Variants in GPR55 observed in about 807,000 individuals in gnomAD.
GPR55 encodes the protein G protein-coupled receptor 55, also known as G-protein coupled receptor 55.
GPR55 carries 6 observed loss-of-function variants against 7.9 expected under a neutral mutation model. That is an observed-to-expected ratio of 0.76 (90% CI 0.41 to 1.49). GPR55 has a LOEUF of 1.49. Among genes scored for constraint, GPR55 ranks in the 40% most tolerant of loss-of-function variants. The pLI, the probability that GPR55 is intolerant of heterozygous loss-of-function variation, is 0.01. For missense variants in GPR55, 376 were observed against 406.0 expected, an observed-to-expected ratio of 0.93 and a Z score of 0.63; for synonymous variants, 183 against 166.8, an observed-to-expected ratio of 1.10 and a Z score of -0.75.
chr2:230,927,422 G>A (rs1359570775), upstream of GPR55, among the ~76,000 whole-genome samples: 2 of 152,176 alleles, frequency 1.3e-5, no homozygotes, highest in Non-Finnish European at 2.9e-5. Flanking sequence ...GCAGGGACTC[G>A]CCCAAGGCCC....
chr2:230,912,094 T>G (rs981293609), intron 1 of GPR55, among the ~76,000 whole-genome samples: 2 of 152,004 alleles, frequency 1.3e-5, no homozygotes, highest in South Asian at 2.1e-4. Flanking sequence ...CACTCTTCCC[T>G]CTCCCCACAT....
intron 1 of GPR55, among the ~76,000 whole-genome samples, chr2:230,954,152 C>G (rs1691444808): frequency 6.6e-6 from 1 of 152,260 alleles, no homozygotes; most frequent in African/African-American, 2.4e-5. Flanking sequence ...GGCTATGCAG[C>G]CCCGTAATCG....
intron 1 of GPR55, among the ~76,000 whole-genome samples, chr2:230,933,644 G>A (rs1691088713): frequency 6.6e-6 from 1 of 152,218 alleles, no homozygotes; most frequent in East Asian, 1.9e-4. Flanking sequence ...AGAGGTGGTG[G>A]CTGGACTCAG....
chr2:230,936,625 G>C (rs1691136717), intron 1 of GPR55, among the ~76,000 whole-genome samples: 1 of 152,210 alleles, frequency 6.6e-6, no homozygotes, highest in Non-Finnish European at 1.5e-5. Flanking sequence ...CGAACATCCT[G>C]TTGGACAGCA....
In GPR55 at chr2:230,944,033, C is replaced by T. The variant is rs1000725493; in HGVS notation, c.-135+16742G>A. ...CTTAGGAAGGGGCCCTCGGGCTGTC[C>T]CTCTTCTCCCTGGCCCTAGCCCAGG... On this transcript the variant is annotated intron_variant, in intron 1 of 1. Coordinates refer to the GPR55 transcript ENST00000392039. This position sits in a 1 kb window ranked among gnomAD's most constrained non-coding sequence, Gnocchi z 4.2. Among the ~76,000 whole-genome samples, 1 of 152,210 alleles carries T rather than the reference C, an allele frequency of 6.6e-6. No individual in the cohort carries two copies. The highest frequency in any genetic ancestry group is 2.4e-5 in the African/African-American group (1 of 41,462).
intron 1 of GPR55, among the ~76,000 whole-genome samples, chr2:230,956,740 C>A (rs188022143): frequency 1.3e-5 from 2 of 152,062 alleles, no homozygotes; most frequent in Non-Finnish European, 2.9e-5. Context: ...TTAAAAAAAT[C>A]TTTATCTTGC....
At position 230,923,757 on chromosome 2, in the gene GPR55, A is replaced by C. The variant is rs1331610614; in HGVS notation, c.-135+1411T>G. ...TACAGATAAGGACAGTAAGGCTTAG[A>C]GATGTTAAAGATTCTACCCAAGGTC... On this transcript the variant is annotated intron_variant, in intron 1 of 1. Coordinates refer to ENST00000650999, the MANE Select transcript of GPR55 (RefSeq NM_005683.4). This position sits in a 1 kb window ranked among gnomAD's most constrained non-coding sequence, Gnocchi z 4.1. Among the ~76,000 whole-genome samples the C allele has an allele frequency of 6.6e-6, 1 of 152,156 alleles. No individual in the cohort carries two copies. Among genetic ancestry groups the C allele is most frequent in the Admixed American group, 6.5e-5 (1 of 15,278 alleles).
At chr2:230,917,036 A>T (rs1053155422) in intron 1 of GPR55, among the ~76,000 whole-genome samples, 7 of 152,242 alleles carry the variant, frequency 4.6e-5, no homozygotes, top group Admixed American at 1.3e-4. Flanking sequence ...CAAAAGAAAG[A>T]CAGGGAGGCA....
In GPR55 at chr2:230,959,749, TTCTC is replaced by T. The variant is rs1003047385; in HGVS notation, c.-135+1022_-135+1025del. On this transcript the variant is annotated intron_variant, in intron 1 of 1. Transcript: ENST00000392039. ...TTGATTGCTAAACAACCCTTCATCC[TTCTC>T]TCTGAGTATTAGCAATGCAAAAGGC... is the stretch of plus-strand genomic sequence containing the variant. Among the ~76,000 whole-genome samples, 273 of 152,338 alleles carry T rather than the reference TTCTC, an allele frequency of 1.8e-3. 1 individual carries two copies. Among genetic ancestry groups the T allele is most frequent in the African/African-American group, 6.3e-3 (262 of 41,584 alleles).
At chr2:230,941,520 C>T (rs899512078) in intron 1 of GPR55, among the ~76,000 whole-genome samples, 15 of 152,228 alleles carry the variant, frequency 9.9e-5, no homozygotes, top group Non-Finnish European at 1.2e-4. Context: ...TTCCCACACT[C>T]GGTCTCCTGG....
intron 1 of GPR55, among the ~76,000 whole-genome samples, chr2:230,951,261 G>A (rs558169490): frequency 1.7e-4 from 26 of 152,208 alleles, no homozygotes; most frequent in South Asian, 1.0e-3. Context: ...TTGAACTGGA[G>A]GACACCCCGC....
At chr2:230,911,162 G>C in intron 1 of GPR55, 66 bp from the exon 2 acceptor site, 1 of 587,178 alleles carries the variant, frequency 1.7e-6, no homozygotes, top group Non-Finnish European at 3.1e-6. Context: ...GTTACTTTTT[G>C]TGTATATCAT....
In GPR55 at chr2:230,944,040, T is replaced by C. The variant is rs1574633674; in HGVS notation, c.-135+16735A>G. Among the ~76,000 whole-genome samples the C allele has an allele frequency of 6.6e-6, 1 of 152,318 alleles. No individual in the cohort carries two copies. Among genetic ancestry groups the C allele is most frequent in the East Asian group, 1.9e-4 (1 of 5,184 alleles). ...AGGGGCCCTCGGGCTGTCCCTCTTC[T>C]CCCTGGCCCTAGCCCAGGAGGAGGA... is the stretch of plus-strand genomic sequence containing the variant. On this transcript the variant is annotated intron_variant, in intron 1 of 1. Coordinates refer to the GPR55 transcript ENST00000392039. The surrounding 1 kb of genome is among the most constrained non-coding windows in gnomAD (Gnocchi z 4.2).
At chr2:230,920,770 A>G (rs1392526114) in intron 1 of GPR55, among the ~76,000 whole-genome samples, 1 of 152,222 alleles carries the variant, frequency 6.6e-6, no homozygotes, top group East Asian at 1.9e-4. Flanking sequence ...AAAGGAAGAG[A>G]AGATTCACAG....
chr2:230,910,479 T>G lies in GPR55; in HGVS notation c.484A>C (p.Lys162Gln), dbSNP rs1414782901. 1.9e-6 allele frequency: 3 copies of G among 1,613,990 alleles called. No homozygotes were observed. The highest frequency in any genetic ancestry group is 2.5e-6 in the Non-Finnish European group (3 of 1,180,000). ...TGGAAGCACATGTATTTTTCCACTT[T>G]CCCATGGAAACTGTAGATAGGGATG... ...GSIPIYSFHG[K>Q]VEKYMCFHNM... is the part of the protein sequence containing the mutation. Residue 162 changes from lysine (K) to glutamine (Q), a missense_variant, in exon 2 of 2, where the codon AAA becomes CAA. Coordinates refer to ENST00000650999, the MANE Select transcript of GPR55 (RefSeq NM_005683.4). The surrounding 1 kb of genome is among the most constrained non-coding windows in gnomAD (Gnocchi z 5.4).
upstream of GPR55, among the ~76,000 whole-genome samples, chr2:230,927,868 C>T (rs760578307): frequency 6.2e-4 from 94 of 152,384 alleles, no homozygotes; most frequent in Non-Finnish European, 9.8e-4. Flanking sequence ...GGCATCCTTT[C>T]CCTCCAAGGG....
intron 1 of GPR55, among the ~76,000 whole-genome samples, chr2:230,955,899 A>T (rs1347780854): frequency 6.6e-6 from 1 of 151,910 alleles, no homozygotes; most frequent in Non-Finnish European, 1.5e-5. Flanking sequence ...GCTAATTTTA[A>T]ATTGTTTTGT....
In GPR55 at chr2:230,934,890, G is replaced by A. The variant is rs74474264; in HGVS notation, c.-134-23794C>T. On this transcript the variant is annotated intron_variant, in intron 1 of 1. Transcript: ENST00000392039. ...CCCTGACTCCACCCACCAAGGAAGG[G>A]CATTGTCCTGTTGGGTTGGGCTTCC... Among the ~76,000 whole-genome samples, 669 of 152,206 alleles carry A rather than the reference G, an allele frequency of 4.4e-3. 5 individuals carry two copies. The highest frequency in any genetic ancestry group is 0.015 in the African/African-American group (639 of 41,526).
At position 230,911,062 on chromosome 2, in the gene GPR55, G is replaced by T; in HGVS notation, c.-100C>A. On this transcript the variant is annotated 5_prime_UTR_variant, in exon 2 of 2. The change creates a new upstream start codon in the 5' untranslated region. Coordinates refer to ENST00000650999, the MANE Select transcript of GPR55 (RefSeq NM_005683.4). ...GTCAAGAATCACAAACACCTCCCCA[G>T]CATCACACAGCAATTCATGCCCATT... 8.5e-7 allele frequency: 1 copy of T among 1,174,528 alleles called. No individual in the cohort carries two copies. Among genetic ancestry groups the T allele is most frequent in the Non-Finnish European group, 1.2e-6 (1 of 822,480 alleles). 72.8% of individuals were successfully genotyped at this position (1,174,528 alleles called of 1,614,324 possible).
Sources: allele counts gnomAD v4.1 joint callset (sites outside exome capture counted in the v4.1 genomes callset), GRCh38; gene constraint gnomAD v4.1.1; non-coding constraint Gnocchi (gnomAD v3.1); transcripts MANE v1.5; gene names NCBI Gene and HGNC (gene_info 2026-07-23, HGNC 2026-07-21).